Variants in RSAD2 observed in about 807,000 individuals in gnomAD.
RSAD2 encodes the protein radical S-adenosyl methionine domain containing 2, also known as S-adenosylmethionine-dependent nucleotide dehydratase RSAD2.
Under a neutral mutation model 37.7 loss-of-function variants are expected in RSAD2, and 38 were observed. That is an observed-to-expected ratio of 1.01 (90% CI 0.78 to 1.32). The LOEUF (loss-of-function observed/expected upper bound fraction) is 1.32. RSAD2 is among the 40% of genes most tolerant of loss of function. The pLI is 0.00. For synonymous variants in RSAD2, 163 were observed against 157.4 expected (o/e 1.04, Z -0.27); for missense variants, 428 against 437.5 (o/e 0.98, Z 0.19).
At chr2:6,892,525 T>C (rs1663654607) in intron 4 of RSAD2, among the ~76,000 whole-genome samples, 1 of 152,208 alleles carries the variant, frequency 6.6e-6, no homozygotes, top group Non-Finnish European at 1.5e-5. Context: ...ATCATCCCCA[T>C]TGTATACATC....
chr2:6,879,471 A>T (rs1350938084), intron 1 of RSAD2, among the ~76,000 whole-genome samples: 2 of 152,058 alleles, frequency 1.3e-5, no homozygotes, highest in Non-Finnish European at 2.9e-5. Context: ...TTCTCCAAAC[A>T]TCAAAATTGT....
rs74644585 is a variant in RSAD2 at position 6,878,456 on chromosome 2, T to C, written c.346+310T>C. ...GCAGGTCCCTATTACACTTGGTGTT[T>C]GGAAAGAGGCGGTTTGGGAAGTTTG... is the stretch of plus-strand genomic sequence containing the variant. On this transcript the variant is annotated intron_variant, in intron 1 of 5. Transcript: ENST00000382040. Among the ~76,000 whole-genome samples the C allele has an allele frequency of 6.4e-3, 973 of 152,330 alleles. 5 individuals carry two copies. Among genetic ancestry groups the C allele is most frequent in the Non-Finnish European group, 0.011 (715 of 68,028 alleles).
chr2:6,882,007 G>A (rs1663415787), intron 1 of RSAD2, among the ~76,000 whole-genome samples: 1 of 152,202 alleles, frequency 6.6e-6, no homozygotes, highest in East Asian at 1.9e-4. Context: ...ACATGCAAGA[G>A]ACATGTTTTC....
chr2:6,895,178 G>A (rs1004825623), intron 5 of RSAD2, among the ~76,000 whole-genome samples: 18 of 152,176 alleles, frequency 1.2e-4, no homozygotes, highest in African/African-American at 3.1e-4. Flanking sequence ...AAGAGCCTTC[G>A]CAGGTCATGG....
In RSAD2 at chr2:6,891,586, T is replaced by C. The variant is rs142027525; in HGVS notation, c.888+1261T>C. 9.1e-3 allele frequency among the ~76,000 whole-genome samples: 1,389 copies of C among 152,152 alleles called. 18 individuals carry two copies. The highest frequency in any genetic ancestry group is 0.032 in the African/African-American group (1,336 of 41,498). On this transcript the variant is annotated intron_variant, in intron 4 of 5. Coordinates refer to ENST00000382040, the MANE Select transcript of RSAD2 (RefSeq NM_080657.5). ...ATCGAGACCATCCTGGCTAACACAG[T>C]GAAACCCCATCTCTACTGAAAATAC...
intron 2 of RSAD2, among the ~76,000 whole-genome samples, chr2:6,886,525 A>G (rs1663524569): frequency 6.6e-6 from 1 of 152,248 alleles, no homozygotes; most frequent in African/African-American, 2.4e-5. Flanking sequence ...GATCTTCAAC[A>G]GAGCAATTTT....
At chr2:6,871,851 ATTGT>A (rs1223841952) in intron 1 of RSAD2, among the ~76,000 whole-genome samples, 1 of 152,178 alleles carries the variant, frequency 6.6e-6, no homozygotes, top group East Asian at 1.9e-4. Context: ...CTAGTCTAAT[ATTGT>A]TTGTTTGATG....
Position 6,877,784 on chromosome 2 carries a change from T to G in RSAD2, c.-17T>G, listed in dbSNP as rs1334748564. ...CCCTGGCATACAGAGACTGCTCTGCTCCAGGCATCTGCCACAATGTGGGTG... is the reference window on the plus strand; with the variant it reads ...CCCTGGCATACAGAGACTGCTCTGCGCCAGGCATCTGCCACAATGTGGGTG... On this transcript the variant is annotated 5_prime_UTR_variant, in exon 1 of 6. Coordinates refer to ENST00000382040, the MANE Select transcript of RSAD2 (RefSeq NM_080657.5). 6.2e-7 allele frequency: 1 copy of G among 1,606,698 alleles called. No individual in the cohort carries two copies. The highest frequency in any genetic ancestry group is 1.7e-5 in the Admixed American group (1 of 59,554).
rs572007091 is a variant in RSAD2, at chr2:6,867,044, C to T, written c.142+999C>T. ...TCACTTTTGGACATTTAGCATGTAC[C>T]GGTGGTTTCACGTGTATGTAGTATA... On this transcript the variant is annotated intron_variant, in intron 1 of 5. Transcript: ENST00000442639. Among the ~76,000 whole-genome samples the T allele has an allele frequency of 3.4e-3, 510 of 152,120 alleles. 2 individuals are homozygous for T. Among genetic ancestry groups the T allele is most frequent in the Middle Eastern group, 0.024 (7 of 294 alleles).
intron 2 of RSAD2, 50 bp downstream of exon 2, chr2:6,883,582 G>C: frequency 6.2e-7 from 1 of 1,600,926 alleles, no homozygotes; most frequent in Non-Finnish European, 8.6e-7. Flanking sequence ...TATTTTTATT[G>C]TTGGTTCTTA....
Position 6,893,652 on chromosome 2 carries a change from A to G in RSAD2, c.889-19A>G, listed in dbSNP as rs1663675720. Reference sequence around the variant, plus strand: ...GAAATGCACCTGAAACTAAATTTGTATTAACTTCTCCTTTGCAGATGAAAG... The same window carrying G: ...GAAATGCACCTGAAACTAAATTTGTGTTAACTTCTCCTTTGCAGATGAAAG... On this transcript the variant is annotated intron_variant, in intron 4 of 5. Transcript: ENST00000382040. 1.2e-6 allele frequency: 2 copies of G among 1,600,728 alleles called. No homozygotes were observed. The highest frequency in any genetic ancestry group is 1.1e-5 in the South Asian group (1 of 90,702).
intron 1 of RSAD2, among the ~76,000 whole-genome samples, chr2:6,881,358 C>T (rs766796969): frequency 1.6e-4 from 24 of 152,206 alleles, no homozygotes; most frequent in Admixed American, 5.2e-4. Flanking sequence ...GATACTGTTT[C>T]ATCTACCATA....
At chr2:6,895,047 A>T (rs375351943) in intron 5 of RSAD2, among the ~76,000 whole-genome samples, 2 of 152,376 alleles carry the variant, frequency 1.3e-5, no homozygotes, top group South Asian at 2.1e-4. Context: ...AATAAGTATT[A>T]CTTGAGCTCC....
upstream of RSAD2, chr2:6,877,645 T>C (rs747442268): frequency 6.5e-6 from 4 of 612,140 alleles, no homozygotes; most frequent in African/African-American, 1.8e-5. Flanking sequence ...CAGTTTCACA[T>C]GTGGAAAAAT....
intron 4 of RSAD2, among the ~76,000 whole-genome samples, chr2:6,892,369 G>A (rs1246688300): frequency 6.6e-6 from 1 of 152,146 alleles, no homozygotes; most frequent in Non-Finnish European, 1.5e-5. Flanking sequence ...TTTCCTCTAT[G>A]CACTATTTTA....
intron 3 of RSAD2, 29 bp from the exon 4 acceptor site, chr2:6,890,147 G>C: frequency 6.2e-7 from 1 of 1,610,546 alleles, no homozygotes; most frequent in Non-Finnish European, 8.5e-7. Context: ...AAAGCTCTCT[G>C]CAAAGCAAAC....
chr2:6,887,979 G>A (rs183634806), intron 3 of RSAD2, among the ~76,000 whole-genome samples: 5 of 152,338 alleles, frequency 3.3e-5, no homozygotes, highest in Admixed American at 1.3e-4. Flanking sequence ...CTACCATATC[G>A]TGAAATGGCA....
At chr2:6,880,583 A>G (rs985924371) in intron 1 of RSAD2, among the ~76,000 whole-genome samples, 2 of 152,178 alleles carry the variant, frequency 1.3e-5, no homozygotes, top group African/African-American at 2.4e-5. Flanking sequence ...GAAGTTTGGC[A>G]GTTACCTAAA....
At chr2:6,886,864 C>A in intron 2 of RSAD2, 71 bp from the exon 3 acceptor site, 1 of 1,079,242 alleles carries the variant, frequency 9.3e-7, no homozygotes, top group South Asian at 1.5e-5. Context: ...TATTTTATCA[C>A]AAGAGATCTA....
Sources: gnomAD v4.1 joint callset for allele counts (sites outside exome capture counted in the v4.1 genomes callset) on GRCh38, gnomAD v4.1.1 for gene constraint, MANE v1.5 for transcripts, NCBI Gene and HGNC (gene_info 2026-07-23, HGNC 2026-07-21) for gene names.